The following TBC1D12 variants were observed in gnomAD, a reference collection of about 807,000 sequenced individuals.
TBC1D12 encodes TBC1 domain family member 12.
Under a neutral mutation model 86.7 loss-of-function variants are expected in TBC1D12, and 56 were observed. That is an observed-to-expected ratio of 0.65 (90% CI 0.52 to 0.81). TBC1D12 has a LOEUF of 0.81. TBC1D12 is among the 30% of genes least tolerant of loss of function. The probability of loss-of-function intolerance (pLI) is 0.00; values close to 1 mark genes in which losing one functional copy is unlikely to be tolerated. For synonymous variants in TBC1D12, 421 were observed against 411.7 expected, an observed-to-expected ratio of 1.02 and a Z score of -0.27; for missense variants, 1,023 against 1,038.8, an observed-to-expected ratio of 0.98 and a Z score of 0.21.
At chr10:94,409,993 A>G (rs2054909324) in intron 1 of TBC1D12, among the ~76,000 whole-genome samples, 1 of 152,128 alleles carries the variant, frequency 6.6e-6, no homozygotes, top group Non-Finnish European at 1.5e-5. Flanking sequence ...TTCATTATAG[A>G]GATTTTGACT....
intron 4 of TBC1D12, among the ~76,000 whole-genome samples, chr10:94,494,745 T>C (rs989047826): frequency 1.3e-5 from 2 of 152,150 alleles, no homozygotes; most frequent in Non-Finnish European, 2.9e-5. Flanking sequence ...GGTTTCGCCA[T>C]ATAGGCCAGG....
chr10:94,460,106 C>A lies in TBC1D12; in HGVS notation c.1096-14562C>A, dbSNP rs189558507. On this transcript the variant is annotated intron_variant, in intron 2 of 12. Coordinates refer to ENST00000225235, the MANE Select transcript of TBC1D12 (RefSeq NM_015188.2). ...AATTAGCTGGGCATGGTGGCACATG[C>A]CTGTAATCCCAGCTACTTGGGATGC... Among the ~76,000 whole-genome samples, 77 of 152,230 alleles carry A rather than the reference C, an allele frequency of 5.1e-4. 1 individual carries two copies. In the East Asian group the frequency reaches 0.014, roughly 27 times the overall value.
intron 1 of TBC1D12, among the ~76,000 whole-genome samples, chr10:94,406,708 C>T (rs998250107): frequency 5.3e-5 from 8 of 152,238 alleles, no homozygotes; most frequent in African/African-American, 1.9e-4. Context: ...CCCCTAAATG[C>T]ATAGTTGCTA....
intron 6 of TBC1D12, among the ~76,000 whole-genome samples, chr10:94,501,959 T>C (rs1266235364): frequency 6.6e-6 from 1 of 150,474 alleles, no homozygotes; most frequent in Non-Finnish European, 1.5e-5. Context: ...AGCCCAGGAG[T>C]TTAAGGTTAC....
At chr10:94,514,042 AAAAAAAAC>A (rs1589669996) in intron 9 of TBC1D12, among the ~76,000 whole-genome samples, 1 of 124,420 alleles carries the variant, frequency 8.0e-6, no homozygotes, top group East Asian at 3.6e-4. Context: ...TAAATCTCAA[AAAAAAAAC>A]AAAAAAAAAA....
chr10:94,442,578 G>A (rs560338134), intron 2 of TBC1D12, among the ~76,000 whole-genome samples: 3 of 152,174 alleles, frequency 2.0e-5, no homozygotes, highest in African/African-American at 7.2e-5. Context: ...GTATTCTTGA[G>A]TTCTTAAGAC....
At chr10:94,438,445 C>A (rs2055335402) in intron 1 of TBC1D12, among the ~76,000 whole-genome samples, 1 of 151,998 alleles carries the variant, frequency 6.6e-6, no homozygotes. Flanking sequence ...GTGAAAGCCA[C>A]TGCTGTGGAG....
chr10:94,455,873 G>A (rs990983510), intron 2 of TBC1D12, among the ~76,000 whole-genome samples: 6 of 151,968 alleles, frequency 3.9e-5, no homozygotes, highest in African/African-American at 7.3e-5. Context: ...CAGGAGACTC[G>A]CTTGAACTCG....
At chr10:94,476,085 G>A (rs1466773210) in intron 3 of TBC1D12, among the ~76,000 whole-genome samples, 3 of 151,586 alleles carry the variant, frequency 2.0e-5, no homozygotes, top group Admixed American at 6.6e-5. Flanking sequence ...GACTACACGC[G>A]CACACCACCG....
At chr10:94,471,616 A>C (rs2055907815) in intron 2 of TBC1D12, among the ~76,000 whole-genome samples, 1 of 152,136 alleles carries the variant, frequency 6.6e-6, no homozygotes, top group Admixed American at 6.6e-5. Flanking sequence ...TCTGCCTATC[A>C]GTACCCATCA....
chr10:94,463,325 A>G (rs1397428018), intron 2 of TBC1D12, among the ~76,000 whole-genome samples: 1 of 152,214 alleles, frequency 6.6e-6, no homozygotes, highest in African/African-American at 2.4e-5. Flanking sequence ...GAAAAGTCCA[A>G]GGTCGAGGGG....
intron 6 of TBC1D12, among the ~76,000 whole-genome samples, chr10:94,501,916 C>T (rs972759925): frequency 6.6e-6 from 1 of 152,130 alleles, no homozygotes; most frequent in African/African-American, 2.4e-5. Flanking sequence ...GTAGTCCTAG[C>T]TACTTGGGAG....
chr10:94,444,306 G>T (rs979965254), intron 2 of TBC1D12, among the ~76,000 whole-genome samples: 2 of 151,154 alleles, frequency 1.3e-5, no homozygotes, highest in Non-Finnish European at 2.9e-5. Context: ...TTATTAAACA[G>T]AATCATTAGG....
intron 1 of TBC1D12, among the ~76,000 whole-genome samples, chr10:94,426,940 GC>G (rs1221274045): frequency 6.6e-6 from 1 of 152,068 alleles, no homozygotes; most frequent in Admixed American, 6.5e-5. Flanking sequence ...CACACAACTT[GC>G]CCCTTTAAAG....
At chr10:94,405,968 G>A (rs1244031609) in intron 1 of TBC1D12, among the ~76,000 whole-genome samples, 4 of 151,936 alleles carry the variant, frequency 2.6e-5, no homozygotes, top group East Asian at 1.9e-4. Context: ...CCGCCACCAC[G>A]CCTGGCTAAT....
At chr10:94,528,720 G>A (rs1842356678) in intron 11 of TBC1D12, among the ~76,000 whole-genome samples, 1 of 151,832 alleles carries the variant, frequency 6.6e-6, no homozygotes, top group South Asian at 2.1e-4. Context: ...TACTCGGGAG[G>A]CTGAGGCATG....
intron 2 of TBC1D12, among the ~76,000 whole-genome samples, chr10:94,467,417 G>C (rs2055840837): frequency 6.6e-6 from 1 of 151,904 alleles, no homozygotes; most frequent in East Asian, 1.9e-4. Flanking sequence ...ATTTTTAGTA[G>C]AGATGGAGTT....
chr10:94,524,017 C>G (rs989795303), intron 11 of TBC1D12, among the ~76,000 whole-genome samples: 12 of 152,018 alleles, frequency 7.9e-5, no homozygotes, highest in Admixed American at 7.9e-4. Flanking sequence ...GACAGGATCA[C>G]CATTTTATTA....
At chr10:94,442,549 GA>G (rs1168759879) in intron 2 of TBC1D12, among the ~76,000 whole-genome samples, 2 of 152,110 alleles carry the variant, frequency 1.3e-5, no homozygotes, top group African/African-American at 4.8e-5. Context: ...TATTTCTTCT[GA>G]TATCTCTGTT....
Sources: gnomAD v4.1 joint callset for allele counts (sites outside exome capture counted in the v4.1 genomes callset) on GRCh38, gnomAD v4.1.1 for gene constraint, MANE v1.5 for transcripts, NCBI Gene and HGNC (gene_info 2026-07-23, HGNC 2026-07-21) for gene names.